The following EPHB1 variants were observed in gnomAD, a reference collection of about 807,000 sequenced individuals.
EPHB1 encodes the protein EPH receptor B1, also known as ephrin type-B receptor 1.
In EPHB1, 30 loss-of-function variants were observed where a neutral mutation model predicts 94.4. That is an observed-to-expected ratio of 0.32 (90% CI 0.24 to 0.43). The LOEUF (loss-of-function observed/expected upper bound fraction) is 0.43. EPHB1 is among the 20% of genes least tolerant of loss of function. The pLI, the probability that EPHB1 is intolerant of heterozygous loss-of-function variation, is 1.00. For missense variants in EPHB1, 1,055 were observed against 1,308.3 expected, an observed-to-expected ratio of 0.81 and a Z score of 2.99; for synonymous variants, 522 against 489.1, an observed-to-expected ratio of 1.07 and a Z score of -0.89.
intron 12 of EPHB1, among the ~76,000 whole-genome samples, chr3:135,238,274 A>T (rs1943701975): frequency 6.6e-6 from 1 of 152,148 alleles, no homozygotes; most frequent in Admixed American, 6.5e-5. Context: ...GCTGAGCAGG[A>T]GAGCCTGCCA....
At chr3:135,218,236 A>G (rs1943199148) in intron 12 of EPHB1, among the ~76,000 whole-genome samples, 1 of 152,086 alleles carries the variant, frequency 6.6e-6, no homozygotes, top group Non-Finnish European at 1.5e-5. Context: ...AACATTAATT[A>G]AGCTGAGAGT....
At chr3:135,102,327 G>A (rs897873775) in intron 3 of EPHB1, among the ~76,000 whole-genome samples, 1 of 152,142 alleles carries the variant, frequency 6.6e-6, no homozygotes, top group African/African-American at 2.4e-5. Flanking sequence ...GGCTCCAAAG[G>A]CCATTTGCTT....
chr3:134,992,753 T>C (rs1161083092), intron 3 of EPHB1, among the ~76,000 whole-genome samples: 1 of 152,156 alleles, frequency 6.6e-6, no homozygotes, highest in South Asian at 2.1e-4. Context: ...GTGAGTTCCC[T>C]GAGGGCAAGG....
intron 12 of EPHB1, among the ~76,000 whole-genome samples, chr3:135,205,940 A>G (rs1330160314): frequency 6.6e-6 from 1 of 152,204 alleles, no homozygotes; most frequent in Non-Finnish European, 1.5e-5. Context: ...GTTTTTAAAA[A>G]TGCGTGCAAC....
chr3:134,978,146 A>G (rs1215417720), intron 3 of EPHB1: 4 of 348,892 alleles, frequency 1.1e-5, no homozygotes, highest in Admixed American at 1.1e-4. Context: ...GAAGCCCTCC[A>G]CTCCTGCAAT....
intron 1 of EPHB1, among the ~76,000 whole-genome samples, chr3:134,918,694 C>G (rs554590493): frequency 1.3e-5 from 2 of 152,320 alleles, no homozygotes; most frequent in South Asian, 4.1e-4. Context: ...ATTCTGCTCA[C>G]TGCTACATTG....
At chr3:134,924,527 C>T (rs964350930) in intron 1 of EPHB1, among the ~76,000 whole-genome samples, 1 of 152,100 alleles carries the variant, frequency 6.6e-6, no homozygotes, top group African/African-American at 2.4e-5. Context: ...AAATTAGGAC[C>T]ATAATGATAT....
intron 5 of EPHB1, among the ~76,000 whole-genome samples, chr3:135,142,367 G>T (rs754071219): frequency 1.3e-5 from 2 of 152,158 alleles, no homozygotes; most frequent in Non-Finnish European, 2.9e-5. Context: ...ATATGGTTCC[G>T]GGACAGCAGG....
chr3:135,043,927 A>G (rs1936924396), intron 3 of EPHB1, among the ~76,000 whole-genome samples: 1 of 152,240 alleles, frequency 6.6e-6, no homozygotes, highest in African/African-American at 2.4e-5. Context: ...CAGCCCTGCC[A>G]TGGAGCCTCC....
intron 3 of EPHB1, among the ~76,000 whole-genome samples, chr3:135,059,447 T>G (rs1559813853): frequency 6.6e-6 from 1 of 151,890 alleles, no homozygotes; most frequent in Admixed American, 6.6e-5. Flanking sequence ...AACTCCCACC[T>G]GCTTGAAACA....
chr3:135,109,731 A>G (rs184821262), intron 4 of EPHB1, among the ~76,000 whole-genome samples: 2 of 152,354 alleles, frequency 1.3e-5, no homozygotes, highest in East Asian at 3.9e-4. Context: ...CCTGGTGTGC[A>G]GTGGGAGAAG....
intron 3 of EPHB1, among the ~76,000 whole-genome samples, chr3:135,032,362 TTA>T (rs1491046103): frequency 6.7e-6 from 1 of 149,268 alleles, no homozygotes; most frequent in African/African-American, 2.5e-5. Flanking sequence ...GCTTTTATTT[TTA>T]TTTCCTAAGA....
intron 12 of EPHB1, among the ~76,000 whole-genome samples, chr3:135,225,158 C>T (rs866703986): frequency 6.6e-6 from 1 of 152,148 alleles, no homozygotes; most frequent in African/African-American, 2.4e-5. Flanking sequence ...TGCCCTGCCC[C>T]CACCTCCACC....
chr3:135,083,072 C>T (rs1214453768), intron 3 of EPHB1, among the ~76,000 whole-genome samples: 1 of 152,124 alleles, frequency 6.6e-6, no homozygotes, highest in African/African-American at 2.4e-5. Flanking sequence ...GCTGTGTTCA[C>T]CGGGAGCCAG....
intron 1 of EPHB1, among the ~76,000 whole-genome samples, chr3:134,917,805 A>G (rs1490567279): frequency 6.6e-6 from 1 of 152,250 alleles, no homozygotes; most frequent in Non-Finnish European, 1.5e-5. Flanking sequence ...GACTTACACA[A>G]TAAGAGCTTC....
chr3:134,800,883 A>G (rs148719373), intron 1 of EPHB1, among the ~76,000 whole-genome samples: 1,779 of 152,316 alleles, frequency 0.012, 40 homozygotes, highest in African/African-American at 0.039. Context: ...ACTGAGATAT[A>G]TAATAGTTAA....
At chr3:135,203,571 C>T (rs1942815149) in intron 12 of EPHB1, among the ~76,000 whole-genome samples, 1 of 152,064 alleles carries the variant, frequency 6.6e-6, no homozygotes, top group Non-Finnish European at 1.5e-5. Flanking sequence ...TAGAATGTAA[C>T]TAACCCCTTA....
intron 10 of EPHB1, among the ~76,000 whole-genome samples, chr3:135,190,815 A>G (rs934040338): frequency 1.3e-5 from 2 of 152,254 alleles, no homozygotes; most frequent in Admixed American, 1.3e-4. Flanking sequence ...AATAAATATG[A>G]TACAACAACT....
intron 5 of EPHB1, among the ~76,000 whole-genome samples, chr3:135,141,272 G>A (rs756399762): frequency 3.3e-5 from 5 of 151,666 alleles, no homozygotes; most frequent in Non-Finnish European, 5.9e-5. Context: ...AAACGGTGAC[G>A]TATGTTGCCC....
Sources: allele counts gnomAD v4.1 joint callset (sites outside exome capture counted in the v4.1 genomes callset), GRCh38; gene constraint gnomAD v4.1.1; transcripts MANE v1.5; gene names NCBI Gene and HGNC (gene_info 2026-07-23, HGNC 2026-07-21).